Variants in XPO5 observed in about 807,000 individuals in gnomAD.
The protein encoded by XPO5 is exportin-5.
Under a neutral mutation model 160.6 loss-of-function variants are expected in XPO5, and 46 were observed. That is an observed-to-expected ratio of 0.29 (90% CI 0.23 to 0.37). The LOEUF is 0.37. Ranked by LOEUF, XPO5 falls within the 10% of genes least tolerant of loss-of-function variation. XPO5 has a pLI of 1.00. For synonymous variants in XPO5, 537 were observed against 519.3 expected (o/e 1.03, Z -0.46); for missense variants, 1,090 against 1,463.9 (o/e 0.74, Z 4.17).
Position 43,560,161 on chromosome 6 carries a change from A to G in XPO5, c.1221+17T>C. ...GTATTCACCTACATTCCACATGTTT[A>G]GATTCCCATTATATACCTTGACCAA... On this transcript the variant is annotated intron_variant, in intron 11 of 31. Coordinates refer to ENST00000265351, the MANE Select transcript of XPO5 (RefSeq NM_020750.3). 6.2e-7 allele frequency: 1 copy of G among 1,610,814 alleles called. No individual in the cohort carries two copies. The highest frequency in any genetic ancestry group is 8.5e-7 in the Non-Finnish European group (1 of 1,178,140).
chr6:43,570,352 G>A (rs970410925), intron 5 of XPO5, 150 bp downstream of exon 5: 1 of 518,206 alleles, frequency 1.9e-6, no homozygotes, highest in Non-Finnish European at 3.0e-6. Context: ...ATGAGCTCCA[G>A]TTTTTCTGTC....
chr6:43,524,452 TTG>T lies in XPO5; in HGVS notation c.3477+17_3477+18del. 2.5e-6 allele frequency: 4 copies of T among 1,611,340 alleles called. No homozygotes were observed. The highest frequency in any genetic ancestry group is 3.4e-6 in the Non-Finnish European group (4 of 1,178,952). On this transcript the variant is annotated intron_variant, in intron 31 of 31. Coordinates refer to ENST00000265351, the MANE Select transcript of XPO5 (RefSeq NM_020750.3). ...TTTAAGAAGGGGGTTGGGAGCACTA[TTG>T]AAGGTGCATGACCTACCCCAATGCA...
At chr6:43,565,842 ACCC>A in intron 7 of XPO5, 106 bp from the exon 8 acceptor site, 1 of 842,564 alleles carries the variant, frequency 1.2e-6, no homozygotes, top group South Asian at 1.9e-5. Flanking sequence ...TTTCTTATAT[ACCC>A]CAGGGTTTAG....
Position 43,547,697 on chromosome 6 carries a change from C to G in XPO5, c.2071G>C (p.Asp691His), listed in dbSNP as rs1795027462. 2 of 1,613,968 alleles carry G rather than the reference C, an allele frequency of 1.2e-6. No individual in the cohort carries two copies. The highest frequency in any genetic ancestry group is 1.7e-6 in the Non-Finnish European group (2 of 1,179,868). The change falls in exon 19 of 32, where the codon GAT (aspartate) becomes CAT (histidine). Residue 691 changes from aspartate to histidine, a missense_variant. Physicochemically the swap from Asp to His is moderately conservative, Grantham distance 81 (BLOSUM62 -1). Transcript: ENST00000265351. ...LSQDMHRVLS[D>H]VDAFIAYVGT... ...ACATACGCAATGAAAGCATCAACAT[C>G]TGACAGCACTCTGAAGGTTGGAGGG...
At chr6:43,566,702 C>T (rs1026470445) in intron 7 of XPO5, 103 of 327,316 alleles carry the variant, frequency 3.1e-4, no homozygotes, top group Admixed American at 1.6e-3. Flanking sequence ...CCTAGCTACT[C>T]GGGAAGCTGA....
At chr6:43,548,968 T>C (rs1795098151) in intron 17 of XPO5, among the ~76,000 whole-genome samples, 1 of 152,202 alleles carries the variant, frequency 6.6e-6, no homozygotes, top group Non-Finnish European at 1.5e-5. Flanking sequence ...GTAATCTATA[T>C]GGCAGAGAAC....
At chr6:43,553,310 AAG>A (rs758913460) in intron 14 of XPO5, 61 bp downstream of exon 14, 7 of 1,539,094 alleles carry the variant, frequency 4.5e-6, no homozygotes, top group Non-Finnish European at 5.3e-6. Flanking sequence ...CCAAAATAGA[AAG>A]AGAAAAGAAA....
At chr6:43,554,184 G>C (rs537433545) in intron 13 of XPO5, among the ~76,000 whole-genome samples, 1 of 152,142 alleles carries the variant, frequency 6.6e-6, no homozygotes, top group Non-Finnish European at 1.5e-5. Context: ...TCGGCTCACT[G>C]CAACATTAGC....
In XPO5 at chr6:43,570,552, T is replaced by G; in HGVS notation, c.571A>C (p.Ser191Arg). 2 of 1,613,760 alleles carry G rather than the reference T, an allele frequency of 1.2e-6. No homozygotes were observed. The highest frequency in any genetic ancestry group is 1.7e-6 in the Non-Finnish European group (2 of 1,179,844). The change falls in exon 5 of 32, where the codon AGT (serine) becomes CGT (arginine). Residue 191 changes from serine (S) to arginine (R), a missense_variant. Ser to Arg is a moderately radical substitution (Grantham distance 110). Around this residue, in one of 3 missense-constraint regions of XPO5, gnomAD observed 110 missense variants for 97.9 expected, o/e 1.12. Transcript: ENST00000265351. ...TCTTGAAGTGTGTTAAGCAGAAAAC[T>G]GAAGATCCTTTCCATGTTCTGGGTT... is the stretch of plus-strand genomic sequence containing the variant. ...TLTQNMERIFSFLLNTLQENV... is the reference protein window; with the variant it reads ...TLTQNMERIFRFLLNTLQENV...
intron 3 of XPO5, among the ~76,000 whole-genome samples, chr6:43,571,286 T>C (rs1312718597): frequency 6.6e-6 from 1 of 152,170 alleles, no homozygotes; most frequent in East Asian, 1.9e-4. Context: ...TTGTTTCAGT[T>C]TGCAGAAGGC....
chr6:43,537,790 G>A (rs1794426778), intron 20 of XPO5, among the ~76,000 whole-genome samples: 1 of 152,182 alleles, frequency 6.6e-6, no homozygotes, highest in Non-Finnish European at 1.5e-5. Context: ...AAGAGGGCCA[G>A]GCATGGTAGC....
Position 43,567,154 on chromosome 6 carries a change from G to A in XPO5, c.834+15C>T, listed in dbSNP as rs1163356632. On this transcript the variant is annotated intron_variant, in intron 7 of 31. Transcript: ENST00000265351. ...TCAGAGACTGAGGATAAGTCAGTTT[G>A]AAGTGGTAACTTACTTTTCTGCTGA... 1.2e-6 allele frequency: 2 copies of A among 1,604,948 alleles called. No homozygotes were observed. Among genetic ancestry groups the A allele is most frequent in the African/African-American group, 2.7e-5 (2 of 74,756 alleles).
chr6:43,548,141 T>G, intron 18 of XPO5, 120 bp downstream of exon 18: 1 of 1,002,028 alleles, frequency 1.0e-6, no homozygotes, highest in Non-Finnish European at 1.4e-6. Context: ...GAACTTCAGA[T>G]ATCATGGATA....
intron 20 of XPO5, among the ~76,000 whole-genome samples, chr6:43,542,678 G>A (rs1472911427): frequency 1.3e-5 from 2 of 151,754 alleles, no homozygotes; most frequent in African/African-American, 2.4e-5. Flanking sequence ...CACCTGCTTC[G>A]GCCTCCCAAA....
intron 14 of XPO5, 89 bp downstream of exon 14, chr6:43,553,284 A>G (rs576406149): frequency 1.4e-6 from 2 of 1,452,344 alleles, no homozygotes; most frequent in Middle Eastern, 1.8e-4. Flanking sequence ...CCTGAGCAAC[A>G]GAGAGATATA....
chr6:43,560,498 A>C (rs1762362429), intron 10 of XPO5, among the ~76,000 whole-genome samples, 195 bp from the exon 11 acceptor site: 1 of 152,212 alleles, frequency 6.6e-6, no homozygotes. Context: ...TGGATCAAGG[A>C]AATTACCTGG....
Position 43,567,241 on chromosome 6 carries a change from C to A in XPO5, c.762G>T (p.Leu254=). The A allele has an allele frequency of 6.2e-7, 1 of 1,614,008 alleles. No homozygotes were observed. The highest frequency in any genetic ancestry group is 8.5e-7 in the Non-Finnish European group (1 of 1,179,886). ...TAENCKLLEI[L]CLLLNEQELQ... is the part of the protein sequence containing the mutation. ...GTTCCTGTTCATTCAACAGCAAACACAGTATCTCCAGGAGTTTACAGTTTT... is the reference window on the plus strand; with the variant it reads ...GTTCCTGTTCATTCAACAGCAAACAAAGTATCTCCAGGAGTTTACAGTTTT... The change falls in exon 7 of 32, where the codon CTG becomes CTT. Residue 254 remains leucine (L), a synonymous_variant. Coordinates refer to ENST00000265351, the MANE Select transcript of XPO5 (RefSeq NM_020750.3).
At chr6:43,569,503 G>A (rs1762879951) in intron 5 of XPO5, among the ~76,000 whole-genome samples, 1 of 151,942 alleles carries the variant, frequency 6.6e-6, no homozygotes, top group African/African-American at 2.4e-5. Context: ...GAAGACCAAG[G>A]CAGGCGGATT....
At chr6:43,556,222 T>A in intron 12 of XPO5, 1 of 381,928 alleles carries the variant, frequency 2.6e-6, no homozygotes, top group Non-Finnish European at 4.7e-6. Flanking sequence ...CCATTTCTGT[T>A]TGAATTAAAA....
Sources: allele counts gnomAD v4.1 joint callset (sites outside exome capture counted in the v4.1 genomes callset), GRCh38; gene constraint gnomAD v4.1.1; regional missense constraint gnomAD v4.1.1; transcripts MANE v1.5; gene names NCBI Gene and HGNC (gene_info 2026-07-23, HGNC 2026-07-21).